Variants in HRH2 observed in about 807,000 individuals in gnomAD.
The protein encoded by HRH2 is histamine H2 receptor.
In HRH2, 4 loss-of-function variants were observed where a neutral mutation model predicts 20.1. That is an observed-to-expected ratio of 0.20 (90% confidence interval 0.10 to 0.45). HRH2 has a LOEUF of 0.45. Ranked by LOEUF, HRH2 falls within the 20% of genes least tolerant of loss-of-function variation. The pLI, the probability that HRH2 is intolerant of heterozygous loss-of-function variation, is 0.99. For synonymous variants in HRH2, 197 were observed against 200.7 expected (o/e 0.98, Z 0.16); for missense variants, 250 against 461.6 (o/e 0.54, Z 4.20).
Position 175,708,094 on chromosome 5 carries a change from G to T in HRH2, c.*123G>T. 1 of 397,838 alleles carries T rather than the reference G, an allele frequency of 2.5e-6. No individual in the cohort carries two copies. Among genetic ancestry groups the T allele is most frequent in the Non-Finnish European group, 4.4e-6 (1 of 225,902 alleles). 24.6% of individuals were successfully genotyped at this position (397,838 alleles called of 1,614,324 possible). A position where few individuals can be genotyped will look rare whatever the true frequency, so the allele number is the denominator to read the frequency against. On this transcript the variant is annotated 3_prime_UTR_variant, in exon 3 of 3. Transcript: ENST00000636584. ...CCTGGACTGAATCTGGGGGCTCCCA[G>T]AACACACAGCTGGGTGTGGGGTCCT...
intron 2 of HRH2, among the ~76,000 whole-genome samples, chr5:175,684,887 G>A (rs1478390764): frequency 6.6e-6 from 1 of 152,174 alleles, no homozygotes; most frequent in Non-Finnish European, 1.5e-5. Flanking sequence ...GTTTGGGCAT[G>A]ATACTGTAGA....
chr5:175,669,605 C>T (rs1755445277), intron 1 of HRH2, among the ~76,000 whole-genome samples: 1 of 152,172 alleles, frequency 6.6e-6, no homozygotes, highest in Admixed American at 6.5e-5. Context: ...CTCAAGCGAT[C>T]CACCCACCTC....
intron 1 of HRH2, among the ~76,000 whole-genome samples, chr5:175,680,589 G>A (rs555821485): frequency 1.3e-5 from 2 of 152,188 alleles, no homozygotes; most frequent in Admixed American, 6.5e-5. Context: ...TGACAATGAC[G>A]GTGACAAGGG....
intron 2 of HRH2, among the ~76,000 whole-genome samples, chr5:175,699,966 C>A (rs138260195): frequency 6.6e-6 from 1 of 152,310 alleles, no homozygotes; most frequent in East Asian, 1.9e-4. Context: ...CATCTCATCT[C>A]ATGGCTCTGA....
intron 2 of HRH2, among the ~76,000 whole-genome samples, chr5:175,706,496 G>A (rs561462415): frequency 1.3e-5 from 2 of 152,298 alleles, no homozygotes; most frequent in East Asian, 3.9e-4. Context: ...TCCTAGCCTA[G>A]AGCTAGCTGT....
At chr5:175,706,080 A>G (rs1349921616) in intron 2 of HRH2, among the ~76,000 whole-genome samples, 1 of 152,278 alleles carries the variant, frequency 6.6e-6, no homozygotes, top group African/African-American at 2.4e-5. Context: ...AGAAAAGATC[A>G]TAAAACACGA....
intron 2 of HRH2, among the ~76,000 whole-genome samples, chr5:175,691,636 G>A (rs965580329): frequency 3.3e-5 from 5 of 151,548 alleles, no homozygotes; most frequent in Non-Finnish European, 5.9e-5. Flanking sequence ...TAATACCGGC[G>A]CTTTGGGAGG....
intron 1 of HRH2, 39 bp downstream of exon 1, chr5:175,658,194 G>C (rs1476253533): frequency 6.6e-6 from 1 of 151,748 alleles, no homozygotes; most frequent in Non-Finnish European, 1.5e-5. Flanking sequence ...CCTCGGCTCG[G>C]GGTGGGGTCC....
intron 2 of HRH2, chr5:175,685,461 A>G: frequency 6.4e-7 from 1 of 1,551,634 alleles, no homozygotes; most frequent in Non-Finnish European, 8.7e-7. Context: ...CCATTCATTC[A>G]TTCATTTGTT....
intron 1 of HRH2, among the ~76,000 whole-genome samples, chr5:175,675,015 G>A (rs1041568454): frequency 4.6e-5 from 7 of 152,200 alleles, no homozygotes; most frequent in African/African-American, 1.7e-4. Flanking sequence ...AATATGTGGA[G>A]GCCGAGAACA....
In HRH2 at chr5:175,697,343, A is replaced by G. The variant is rs1037092448; in HGVS notation, c.1077-10436A>G. Reference sequence around the variant, plus strand: ...CCGGGCGTGGTGGTGGGCGCCTGTAATCCCAGCTACTCGGGAGGCTGAGGC... The same window carrying G: ...CCGGGCGTGGTGGTGGGCGCCTGTAGTCCCAGCTACTCGGGAGGCTGAGGC... On this transcript the variant is annotated intron_variant, in intron 2 of 2. Transcript: ENST00000636584. 3.4e-4 allele frequency among the ~76,000 whole-genome samples: 52 copies of G among 151,332 alleles called. 1 individual carries two copies. The highest frequency in any genetic ancestry group is 9.8e-4 in the East Asian group (5 of 5,110).
intron 2 of HRH2, among the ~76,000 whole-genome samples, chr5:175,695,252 G>A (rs1756534498): frequency 6.6e-6 from 1 of 152,078 alleles, no homozygotes; most frequent in Non-Finnish European, 1.5e-5. Flanking sequence ...CAGACTTCAG[G>A]GAGCTGGCTG....
rs1022910058 is a variant in HRH2, at chr5:175,683,920, G to A, written c.687G>A (p.Glu229=). 4 of 1,614,182 alleles carry A rather than the reference G, an allele frequency of 2.5e-6. No individual in the cohort carries two copies. Among genetic ancestry groups the A allele is most frequent in the East Asian group, 2.2e-5 (1 of 44,872 alleles). ...CCTGGAAGGCAGCCACCATCAGGGA[G>A]CACAAAGCCACAGTGACACTGGCCG... ...ISSWKAATIR[E]HKATVTLAAV... Residue 229 remains glutamate, a synonymous_variant, in exon 2 of 3, where the codon GAG becomes GAA. Transcript: ENST00000636584.
chr5:175,699,311 A>G (rs74933305), intron 2 of HRH2, among the ~76,000 whole-genome samples: 1 of 152,194 alleles, frequency 6.6e-6, no homozygotes, highest in Non-Finnish European at 1.5e-5. Flanking sequence ...CCTAGAGAAA[A>G]GGGTCGCCTC....
rs1374567360 is a variant in HRH2, at chr5:175,693,517, A to G, written c.1076+9208A>G. ...ACACTCAGTCCCTCCTCACGTGAGG[A>G]CTGACCACATCCCTTTGTTACCCAG... On this transcript the variant is annotated intron_variant, in intron 2 of 2. Transcript: ENST00000636584. The surrounding 1 kb of genome is among the most constrained non-coding windows in gnomAD (Gnocchi z 4.4). Among the ~76,000 whole-genome samples the G allele has an allele frequency of 1.3e-5, 2 of 152,150 alleles. No homozygotes were observed. Among genetic ancestry groups the G allele is most frequent in the Admixed American group, 1.3e-4 (2 of 15,272 alleles).
chr5:175,681,404 G>C lies in HRH2; in HGVS notation c.-525-1305G>C, dbSNP rs764425906. ...CTTAATTTATGTTTTATGGAGATTAGCTTGCTTCTGAGAGGGGGTTCCGCC... is the reference window on the plus strand; with the variant it reads ...CTTAATTTATGTTTTATGGAGATTACCTTGCTTCTGAGAGGGGGTTCCGCC... On this transcript the variant is annotated intron_variant, in intron 1 of 2. Coordinates refer to ENST00000636584, the MANE Select transcript of HRH2 (RefSeq NM_001367711.1). This position sits in a 1 kb window ranked among gnomAD's most constrained non-coding sequence, Gnocchi z 4.3. 6.6e-6 allele frequency among the ~76,000 whole-genome samples: 1 copy of C among 152,208 alleles called. No individual in the cohort carries two copies. The highest frequency in any genetic ancestry group is 2.1e-4 in the South Asian group (1 of 4,828).
intron 1 of HRH2, among the ~76,000 whole-genome samples, chr5:175,673,569 TG>T (rs1178209510): frequency 6.6e-6 from 1 of 152,120 alleles, no homozygotes; most frequent in African/African-American, 2.4e-5. Context: ...GGACTGCTTC[TG>T]GGGTGATGAA....
intron 2 of HRH2, among the ~76,000 whole-genome samples, chr5:175,689,320 C>A (rs942921635): frequency 6.6e-6 from 1 of 151,700 alleles, no homozygotes; most frequent in African/African-American, 2.4e-5. Context: ...GCCCAGGCCC[C>A]CTTCTTCCCC....
intron 2 of HRH2, among the ~76,000 whole-genome samples, chr5:175,698,668 T>C (rs1756693058): frequency 6.6e-6 from 1 of 152,110 alleles, no homozygotes; most frequent in Admixed American, 6.5e-5. Flanking sequence ...AGGCTATAGC[T>C]CATGAGTGTT....
Sources: allele counts gnomAD v4.1 joint callset (sites outside exome capture counted in the v4.1 genomes callset), GRCh38; gene constraint gnomAD v4.1.1; non-coding constraint Gnocchi (gnomAD v3.1); transcripts MANE v1.5; gene names NCBI Gene and HGNC (gene_info 2026-07-23, HGNC 2026-07-21).